MAP3K7: variants seen among roughly 807,000 people sequenced by gnomAD.
The protein encoded by MAP3K7 is TGF-beta activated kinase 1.
In MAP3K7, 21 loss-of-function variants were observed where a neutral mutation model predicts 84.8. The observed-to-expected ratio is 0.25, with a 90% confidence interval of 0.18 to 0.36. MAP3K7 has a LOEUF of 0.36. Among genes scored for constraint, MAP3K7 ranks in the 10% least tolerant of loss-of-function variants. MAP3K7 has a pLI of 1.00. For missense variants in MAP3K7, 503 were observed against 747.7 expected, an observed-to-expected ratio of 0.67 and a Z score of 3.82; for synonymous variants, 241 against 247.7, an observed-to-expected ratio of 0.97 and a Z score of 0.25.
intron 4 of MAP3K7, among the ~76,000 whole-genome samples, chr6:90,560,842 G>T (rs1308049060): frequency 6.6e-6 from 1 of 152,010 alleles, no homozygotes; most frequent in Non-Finnish European, 1.5e-5. Flanking sequence ...TATAAATTAT[G>T]AGCAGTCTTA....
chr6:90,525,538 C>T (rs992118132), intron 13 of MAP3K7, among the ~76,000 whole-genome samples: 13 of 149,024 alleles, frequency 8.7e-5, no homozygotes, highest in African/African-American at 3.2e-4. Flanking sequence ...AATCAAAAAA[C>T]TGCAAGGAAA....
At position 90,556,608 on chromosome 6, in the gene MAP3K7, C is replaced by G. The variant is rs943102765; in HGVS notation, c.499G>C (p.Gly167Arg). 7.5e-6 allele frequency: 12 copies of G among 1,607,828 alleles called. No homozygotes were observed. The highest frequency in any genetic ancestry group is 7.6e-6 in the Non-Finnish European group (9 of 1,177,862). The change falls in exon 6 of 17, where the codon GGG (glycine) becomes CGG (arginine). Residue 167 changes from glycine to arginine, a missense_variant. By Grantham distance (125) the Gly-to-Arg change is moderately radical. Coordinates refer to ENST00000369329, the MANE Select transcript of MAP3K7 (RefSeq NM_145331.3). ...TCACAAATTTTTAGAACTGTCCCCC[C>G]TGCAACCAGCAGTAAGCTGTTTAAA... ...LKPPNLLLVAGGTVLKICDFG... is the reference protein window; with the variant it reads ...LKPPNLLLVARGTVLKICDFG...
intron 13 of MAP3K7, among the ~76,000 whole-genome samples, chr6:90,534,392 A>G (rs1314379913): frequency 6.6e-6 from 1 of 152,180 alleles, no homozygotes; most frequent in Non-Finnish European, 1.5e-5. Flanking sequence ...TTAAGGCTAT[A>G]ACACAAATAA....
chr6:90,571,710 G>C lies in MAP3K7; in HGVS notation c.218C>G (p.Ala73Gly), dbSNP rs773394242. The C allele has an allele frequency of 6.3e-7, 1 of 1,583,704 alleles. No individual in the cohort carries two copies. Among genetic ancestry groups the C allele is most frequent in the Non-Finnish European group, 8.6e-7 (1 of 1,164,184 alleles). ...ATCTCAACTTACCTCTACAATAAAC[G>C]CTTTCCTCTCAGATTCACTTTCTAT... is the stretch of plus-strand genomic sequence containing the variant. ...KQIESESERK[A>G]FIVELRQLSR... Residue 73 changes from alanine (A) to glycine (G), a missense_variant, in exon 2 of 17, where the codon GCG becomes GGG. By Grantham distance (60) the Ala-to-Gly change is moderately conservative. Coordinates refer to ENST00000369329, the MANE Select transcript of MAP3K7 (RefSeq NM_145331.3).
intron 14 of MAP3K7, among the ~76,000 whole-genome samples, chr6:90,522,945 A>T (rs1025790415): frequency 2.0e-5 from 3 of 152,186 alleles, no homozygotes; most frequent in Non-Finnish European, 4.4e-5. Context: ...TAATATAAAT[A>T]AAAAATTTCA....
At position 90,552,082 on chromosome 6, in the gene MAP3K7, C is replaced by T. The variant is rs1776195861; in HGVS notation, c.834G>A (p.Glu278=). The T allele has an allele frequency of 1.2e-6, 2 of 1,611,642 alleles. No individual in the cohort carries two copies. Among genetic ancestry groups the T allele is most frequent in the Non-Finnish European group, 1.7e-6 (2 of 1,178,140 alleles). The change falls in exon 8 of 17, where the codon GAG becomes GAA. Residue 278 remains glutamate, a synonymous_variant. Transcript: ENST00000369329. ...SKDPSQRPSM[E]EIVKIMTHLM... ...AGTGAGTCATTATTTTCACAATTTCCTCCATTGAAGGGCGCTGGGAAGGAT... is the reference window on the plus strand; with the variant it reads ...AGTGAGTCATTATTTTCACAATTTCTTCCATTGAAGGGCGCTGGGAAGGAT...
chr6:90,579,800 C>T (rs78780132), intron 1 of MAP3K7, among the ~76,000 whole-genome samples: 8,285 of 152,230 alleles, frequency 0.054, 373 homozygotes, highest in African/African-American at 0.12. Flanking sequence ...AAAATACCGA[C>T]TTCATACATA....
chr6:90,568,861 C>T (rs959372697), intron 2 of MAP3K7, among the ~76,000 whole-genome samples: 1 of 152,088 alleles, frequency 6.6e-6, no homozygotes, highest in African/African-American at 2.4e-5. Context: ...GACATCTAAA[C>T]AAATAATTAA....
At chr6:90,568,750 G>A (rs1582229312) in intron 2 of MAP3K7, 127 bp from the exon 3 acceptor site, 1 of 669,494 alleles carries the variant, frequency 1.5e-6, no homozygotes, top group South Asian at 2.2e-5. Flanking sequence ...TATTTACTAT[G>A]TAACAGGCAT....
intron 1 of MAP3K7, among the ~76,000 whole-genome samples, chr6:90,585,867 A>C (rs1777428965): frequency 6.6e-6 from 1 of 152,250 alleles, no homozygotes; most frequent in South Asian, 2.1e-4. Flanking sequence ...ACTTATGGTG[A>C]AATTCACCTA....
At chr6:90,535,489 AC>A (rs1202084866) in intron 13 of MAP3K7, among the ~76,000 whole-genome samples, 1 of 151,988 alleles carries the variant, frequency 6.6e-6, no homozygotes, top group Non-Finnish European at 1.5e-5. Context: ...TAATTTCATT[AC>A]TTTTATGCTG....
chr6:90,548,973 T>C (rs1316828628), intron 9 of MAP3K7, among the ~76,000 whole-genome samples: 2 of 151,960 alleles, frequency 1.3e-5, no homozygotes, highest in African/African-American at 4.8e-5. Context: ...ATAATACGTC[T>C]GAATGGAGTC....
intron 1 of MAP3K7, among the ~76,000 whole-genome samples, chr6:90,583,329 C>G (rs544322620): frequency 6.6e-6 from 1 of 152,190 alleles, no homozygotes; most frequent in East Asian, 1.9e-4. Flanking sequence ...TCAGAAAGTA[C>G]TGAGTGACAC....
At chr6:90,525,275 G>A (rs1305502906) in intron 13 of MAP3K7, among the ~76,000 whole-genome samples, 2 of 152,090 alleles carry the variant, frequency 1.3e-5, no homozygotes, top group Non-Finnish European at 2.9e-5. Context: ...GTATTTTAGG[G>A]TCCAAAAAAT....
Position 90,553,589 on chromosome 6 carries a change from A to G in MAP3K7, c.608-3T>C, listed in dbSNP as rs201188964. ...ACATTTTTCACTGTAATTACTACCT[A>G]GAAAAAAAAAAGGTAGTATATAACC... On this transcript the variant is annotated splice_polypyrimidine_tract_variant and splice_region_variant and intron_variant, in intron 6 of 16. Coordinates refer to ENST00000369329, the MANE Select transcript of MAP3K7 (RefSeq NM_145331.3). 8 of 1,596,866 alleles carry G rather than the reference A, an allele frequency of 5.0e-6. No individual in the cohort carries two copies. The highest frequency in any genetic ancestry group is 1.4e-5 in the African/African-American group (1 of 73,436).
chr6:90,536,536 G>T, intron 12 of MAP3K7, 135 bp from the exon 13 acceptor site: 5 of 580,182 alleles, frequency 8.6e-6, no homozygotes, highest in African/African-American at 1.9e-5. Flanking sequence ...AAAAAAGTGA[G>T]TTTATTGCTA....
At chr6:90,535,110 T>G (rs1775626381) in intron 13 of MAP3K7, among the ~76,000 whole-genome samples, 1 of 152,058 alleles carries the variant, frequency 6.6e-6, no homozygotes, top group South Asian at 2.1e-4. Flanking sequence ...TAGATTTTAT[T>G]TATATATGTG....
chr6:90,575,804 T>TCC (rs1777055335), intron 1 of MAP3K7, among the ~76,000 whole-genome samples: 1 of 152,138 alleles, frequency 6.6e-6, no homozygotes, highest in Non-Finnish European at 1.5e-5. Context: ...CAAGTGAGGC[T>TCC]TGATGTTGAA....
chr6:90,566,618 G>A (rs1270564266), intron 3 of MAP3K7, among the ~76,000 whole-genome samples: 4 of 151,938 alleles, frequency 2.6e-5, no homozygotes, highest in African/African-American at 7.3e-5. Context: ...AATCAATATC[G>A]TGAAAATGGT....
Sources: allele counts gnomAD v4.1 joint callset (sites outside exome capture counted in the v4.1 genomes callset), GRCh38; gene constraint gnomAD v4.1.1; transcripts MANE v1.5; gene names NCBI Gene and HGNC (gene_info 2026-07-23, HGNC 2026-07-21).